Variants in PATJ observed in about 807,000 individuals in gnomAD.
PATJ encodes the protein PATJ crumbs cell polarity complex component, also known as inaD-like protein.
A neutral mutation model predicts 224.9 loss-of-function variants in PATJ; 190 were observed. The ratio of observed to expected loss-of-function variants is 0.84; its 90% CI spans 0.75 to 0.95. The LOEUF is 0.95. Ranked by LOEUF, PATJ falls within the 40% of genes least tolerant of loss-of-function variation. PATJ has a pLI of 0.00. For missense variants in PATJ, 2,121 were observed against 2,270.3 expected (o/e 0.93, Z 1.34); for synonymous variants, 769 against 820.3 (o/e 0.94, Z 1.07).
At chr1:61,890,491 G>GT (rs201940493) in intron 22 of PATJ, among the ~76,000 whole-genome samples, 17 of 150,742 alleles carry the variant, frequency 1.1e-4, no homozygotes, top group South Asian at 4.2e-4. Flanking sequence ...TTTTTTATTG[G>GT]TTTTTTTTTC....
chr1:62,021,080 G>A lies in PATJ; in HGVS notation c.3959+3133G>A, dbSNP rs956861323. ...CTGGCATCAATGATCTGCCTGGCTCGGCCTCCCAAAGTGCTGGGATCACAG... is the reference window on the plus strand; with the variant it reads ...CTGGCATCAATGATCTGCCTGGCTCAGCCTCCCAAAGTGCTGGGATCACAG... On this transcript the variant is annotated intron_variant, in intron 29 of 43. Coordinates refer to ENST00000642238, the MANE Select transcript of PATJ (RefSeq NM_001350145.3). 2.6e-5 allele frequency among the ~76,000 whole-genome samples: 4 copies of A among 151,896 alleles called. No individual in the cohort carries two copies. In the South Asian group the frequency reaches 8.3e-4, roughly 32 times the overall value.
chr1:61,750,435 C>CT (rs3030066), intron 1 of PATJ, among the ~76,000 whole-genome samples: 30,823 of 121,180 alleles, frequency 0.25, 4,602 homozygotes, highest in East Asian at 0.39. Flanking sequence ...TTTTCTGGAG[C>CT]TTTTTTTTTT....
At chr1:61,759,435 A>T (rs1645836427) in intron 1 of PATJ, among the ~76,000 whole-genome samples, 1 of 149,196 alleles carries the variant, frequency 6.7e-6, no homozygotes. Flanking sequence ...TTTGAGACAA[A>T]GTCTTGCTTT....
In PATJ at chr1:61,901,287, A is replaced by G. The variant is rs748207987; in HGVS notation, c.3209A>G (p.Glu1070Gly). Residue 1070 changes from glutamate to glycine, a missense_variant, in exon 24 of 44, where the codon GAG becomes GGG. Glu to Gly is a moderately conservative substitution (Grantham distance 98, BLOSUM62 -2). Transcript: ENST00000642238. ...TGTTTTTTTCCTTTATATAGTGTTG[A>G]GATTTTTAGAGAACCCAATGTGTCT... Reference protein sequence around the residue: ...FSHWGPPRIVEIFREPNVSLG... With the variant: ...FSHWGPPRIVGIFREPNVSLG... 6.6e-7 allele frequency: 1 copy of G among 1,525,344 alleles called. No individual in the cohort carries two copies. The highest frequency in any genetic ancestry group is 2.5e-5 in the East Asian group (1 of 39,396). 94.5% of individuals were successfully genotyped at this position (1,525,344 alleles called of 1,614,324 possible). A position where few individuals can be genotyped will look rare whatever the true frequency, so the allele number is the denominator to read the frequency against.
chr1:61,996,951 AGGCTAGTCTCGAAC>A lies in PATJ; in HGVS notation c.3867+6588_3867+6601del, dbSNP rs1017328550. On this transcript the variant is annotated intron_variant, in intron 28 of 43. Transcript: ENST00000642238. ...GAGACGGGGTGTCACCATGTTGGCC[AGGCTAGTCTCGAAC>A]TCCTGACCTCAAGTGATCTGCCCGC... Among the ~76,000 whole-genome samples the A allele has an allele frequency of 7.2e-5, 11 of 152,044 alleles. No individual in the cohort carries two copies. The South Asian group carries it at 1.9e-3, about 26-fold the overall frequency.
intron 28 of PATJ, among the ~76,000 whole-genome samples, chr1:62,016,250 A>G (rs184949235): frequency 1.1e-3 from 173 of 152,338 alleles, no homozygotes; most frequent in Non-Finnish European, 2.1e-3. Flanking sequence ...TGAAAATACT[A>G]TATTTTCATT....
intron 28 of PATJ, chr1:62,013,356 T>C: frequency 2.0e-6 from 2 of 985,454 alleles, no homozygotes; most frequent in Non-Finnish European, 2.4e-6. Flanking sequence ...CTTCGAAGGC[T>C]GGAGCCCATG....
At chr1:62,146,432 G>A (rs1258627300) in intron 41 of PATJ, among the ~76,000 whole-genome samples, 1 of 152,204 alleles carries the variant, frequency 6.6e-6, no homozygotes, top group Non-Finnish European at 1.5e-5. Flanking sequence ...GGATGGAGGG[G>A]CTGAAGCGAG....
intron 17 of PATJ, among the ~76,000 whole-genome samples, chr1:61,843,719 CAAAAAAA>C (rs60980933): frequency 9.1e-6 from 1 of 109,910 alleles, no homozygotes; most frequent in Non-Finnish European, 2.0e-5. Context: ...GATCAGGTCT[CAAAAAAA>C]AAAAAAAAAT....
At chr1:61,789,824 A>T (rs537668058) in intron 8 of PATJ, among the ~76,000 whole-genome samples, 1 of 152,162 alleles carries the variant, frequency 6.6e-6, no homozygotes, top group African/African-American at 2.4e-5. Context: ...AAAAATAAAA[A>T]GTTTCTCCAA....
At chr1:62,003,176 T>C (rs1645892166) in intron 28 of PATJ, among the ~76,000 whole-genome samples, 1 of 152,156 alleles carries the variant, frequency 6.6e-6, no homozygotes, top group East Asian at 1.9e-4. Context: ...TAATGGGAAA[T>C]TACCTATAGT....
intron 41 of PATJ, among the ~76,000 whole-genome samples, chr1:62,144,777 A>ATATATATATATATATATATAT (rs1553280094): frequency 5.9e-5 from 7 of 119,080 alleles, no homozygotes; most frequent in South Asian, 2.7e-4. Flanking sequence ...AAAAAAAAAA[A>ATATATATATATATATATATAT]ATATATATAT....
At chr1:61,827,400 A>C (rs1428044268) in intron 15 of PATJ, 22 bp from the exon 16 acceptor site, 2 of 1,609,698 alleles carry the variant, frequency 1.2e-6, no homozygotes, top group Non-Finnish European at 1.7e-6. Flanking sequence ...CTCAGTTCTG[A>C]CTTATCCCCT....
chr1:61,959,286 A>G (rs1680883966), intron 27 of PATJ, among the ~76,000 whole-genome samples: 1 of 151,816 alleles, frequency 6.6e-6, no homozygotes, highest in South Asian at 2.1e-4. Flanking sequence ...ATAACATCTT[A>G]TCTCCAAAAA....
At chr1:61,756,543 A>G (rs546811643) in intron 1 of PATJ, among the ~76,000 whole-genome samples, 2 of 140,014 alleles carry the variant, frequency 1.4e-5, no homozygotes, top group East Asian at 4.2e-4. Flanking sequence ...GTAGCCTTAT[A>G]TATTGCTAAA....
intron 27 of PATJ, among the ~76,000 whole-genome samples, chr1:61,953,982 G>C (rs112927165): frequency 6.6e-6 from 1 of 152,210 alleles, no homozygotes; most frequent in East Asian, 1.9e-4. Flanking sequence ...CTAGTCATTA[G>C]GAATTTATGT....
chr1:61,803,933 A>C (rs918346154), intron 12 of PATJ, among the ~76,000 whole-genome samples: 1 of 152,190 alleles, frequency 6.6e-6, no homozygotes, highest in African/African-American at 2.4e-5. Flanking sequence ...TTTCTCCAGC[A>C]CTTAGGCCTT....
intron 17 of PATJ, among the ~76,000 whole-genome samples, chr1:61,849,830 C>G (rs1455241121): frequency 1.3e-5 from 2 of 152,142 alleles, no homozygotes; most frequent in African/African-American, 4.8e-5. Context: ...CAAACAAACC[C>G]AAAAGATATT....
chr1:61,786,293 A>T (rs945617535), intron 7 of PATJ, among the ~76,000 whole-genome samples: 1 of 152,186 alleles, frequency 6.6e-6, no homozygotes, highest in Non-Finnish European at 1.5e-5. Context: ...AAGTGCTGGG[A>T]TTACAGGTGT....
Sources: allele counts gnomAD v4.1 joint callset (sites outside exome capture counted in the v4.1 genomes callset), GRCh38; gene constraint gnomAD v4.1.1; transcripts MANE v1.5; gene names NCBI Gene and HGNC (gene_info 2026-07-23, HGNC 2026-07-21).